Variants in PARG observed in about 807,000 individuals in gnomAD.
The protein encoded by PARG is mitochondrial poly(ADP-ribose) glycohydrolase.
In PARG, 35 loss-of-function variants were observed where a neutral mutation model predicts 113.0. The ratio of observed to expected loss-of-function variants is 0.31; its 90% CI spans 0.24 to 0.41. PARG has a LOEUF of 0.41. PARG is among the 10% of genes least tolerant of loss of function. The pLI, the probability that PARG is intolerant of heterozygous loss-of-function variation, is 1.00. For synonymous variants in PARG, 330 were observed against 409.9 expected (o/e 0.81, Z 2.36); for missense variants, 797 against 1,169.4 (o/e 0.68, Z 4.64).
chr10:49,861,871 A>G (rs1190244961), intron 11 of PARG, among the ~76,000 whole-genome samples: 1 of 151,136 alleles, frequency 6.6e-6, no homozygotes, highest in Non-Finnish European at 1.5e-5. Context: ...AAATTGGATA[A>G]CATAGTTTGA....
At chr10:49,822,067 A>G (rs1844118650) in intron 16 of PARG, among the ~76,000 whole-genome samples, 1 of 152,240 alleles carries the variant, frequency 6.6e-6, no homozygotes, top group African/African-American at 2.4e-5. Context: ...AGGAATGAGC[A>G]AATGAATAAA....
intron 10 of PARG, among the ~76,000 whole-genome samples, chr10:49,867,805 A>G (rs1185673184): frequency 6.6e-6 from 1 of 151,780 alleles, no homozygotes; most frequent in Non-Finnish European, 1.5e-5. Context: ...CCTAAAATTT[A>G]GAAAGCCAAG....
chr10:49,842,174 A>G, intron 14 of PARG, 116 bp from the exon 15 acceptor site: 1 of 691,690 alleles, frequency 1.4e-6, no homozygotes, highest in African/African-American at 1.8e-5. Context: ...AAAACAAACC[A>G]GTGTCTGCAG....
rs1365453819 is a variant in PARG at position 49,929,397 on chromosome 10, G to A, written c.1455+2703C>T. 4.2e-3 allele frequency among the ~76,000 whole-genome samples: 640 copies of A among 151,588 alleles called. 1 individual carries two copies. The highest frequency in any genetic ancestry group is 0.015 in the African/African-American group (621 of 41,300). On this transcript the variant is annotated intron_variant, in intron 4 of 17. Coordinates refer to ENST00000616448, the MANE Select transcript of PARG (RefSeq NM_003631.5). ...TCTATCAATTTTACCTCATAATAAT[G>A]CAACCTTCTATTTTCTTTTTTATCC...
At chr10:49,846,167 C>G (rs1460174178) in intron 13 of PARG, among the ~76,000 whole-genome samples, 12 of 151,092 alleles carry the variant, frequency 7.9e-5, no homozygotes, top group Non-Finnish European at 1.8e-4. Context: ...GATAGAACCA[C>G]TGACACATTA....
intron 14 of PARG, 61 bp downstream of exon 14, chr10:49,843,493 G>T: frequency 9.9e-7 from 1 of 1,009,368 alleles, no homozygotes; most frequent in Non-Finnish European, 1.5e-6. Flanking sequence ...GAGTGTGTGA[G>T]GGTCAAGCCC....
chr10:49,834,075 A>G (rs1268038070), intron 15 of PARG, among the ~76,000 whole-genome samples: 1 of 152,200 alleles, frequency 6.6e-6, no homozygotes, highest in Admixed American at 6.5e-5. Context: ...GTACCAGATC[A>G]TTATTCAACA....
chr10:49,829,935 T>A (rs1844574049), intron 16 of PARG, among the ~76,000 whole-genome samples: 1 of 152,140 alleles, frequency 6.6e-6, no homozygotes, highest in Non-Finnish European at 1.5e-5. Flanking sequence ...TTTTTTAGCA[T>A]CATAGTTTAG....
At chr10:49,854,610 CA>C (rs555755572) in intron 13 of PARG, among the ~76,000 whole-genome samples, 18 of 148,910 alleles carry the variant, frequency 1.2e-4, no homozygotes, top group African/African-American at 4.5e-4. Context: ...CTGACCTTGA[CA>C]GGAAGTGAAG....
chr10:49,891,706 T>G (rs1554841627), intron 7 of PARG, among the ~76,000 whole-genome samples: 1 of 143,296 alleles, frequency 7.0e-6, no homozygotes, highest in Non-Finnish European at 1.5e-5. Context: ...CTCAGCTCAC[T>G]GCAACCTCCA....
At chr10:49,913,463 G>A (rs1350654655) in intron 7 of PARG, among the ~76,000 whole-genome samples, 3 of 152,132 alleles carry the variant, frequency 2.0e-5, no homozygotes, top group African/African-American at 7.2e-5. Context: ...TTATAATACA[G>A]CATAAATTTT....
At chr10:49,839,730 A>G (rs1177110952) in intron 15 of PARG, among the ~76,000 whole-genome samples, 1 of 152,250 alleles carries the variant, frequency 6.6e-6, no homozygotes, top group Admixed American at 6.5e-5. Flanking sequence ...ATAACTTCTA[A>G]AAGTGAATGA....
At chr10:49,939,497 G>A (rs1424012208) in intron 1 of PARG, among the ~76,000 whole-genome samples, 1 of 152,186 alleles carries the variant, frequency 6.6e-6, no homozygotes, top group African/African-American at 2.4e-5. Flanking sequence ...CTGTGTACTG[G>A]ATAAAATTTA....
At chr10:49,941,413 G>A (rs1839058085) in intron 1 of PARG, 96 bp downstream of exon 1, 13 of 972,246 alleles carry the variant, frequency 1.3e-5, no homozygotes, top group Middle Eastern at 5.4e-4. Context: ...ATGCACACAA[G>A]ACCAGAAAGG....
intron 17 of PARG, 85 bp from the exon 18 acceptor site, chr10:49,819,579 T>C: frequency 2.0e-6 from 2 of 1,005,984 alleles, no homozygotes; most frequent in Non-Finnish European, 3.0e-6. Flanking sequence ...TTTATCTTAA[T>C]CTAAATGGCA....
At chr10:49,890,640 A>G (rs1211278518) in intron 7 of PARG, among the ~76,000 whole-genome samples, 9 of 150,944 alleles carry the variant, frequency 6.0e-5, no homozygotes, top group East Asian at 1.9e-4. Flanking sequence ...GACTGTGGAC[A>G]GGCTATTTTT....
chr10:49,919,042 G>C (rs1186349332), intron 6 of PARG, among the ~76,000 whole-genome samples: 1 of 152,066 alleles, frequency 6.6e-6, no homozygotes, highest in Non-Finnish European at 1.5e-5. Context: ...CTGGGTTCAA[G>C]CAATTCTCCT....
At chr10:49,897,139 A>T (rs1187265228) in intron 7 of PARG, among the ~76,000 whole-genome samples, 1 of 152,114 alleles carries the variant, frequency 6.6e-6, no homozygotes, top group Non-Finnish European at 1.5e-5. Context: ...AACTATTTGC[A>T]CCTCCTGACT....
At chr10:49,866,106 T>C (rs1322027181) in intron 10 of PARG, among the ~76,000 whole-genome samples, 1 of 151,312 alleles carries the variant, frequency 6.6e-6, no homozygotes, top group East Asian at 1.9e-4. Flanking sequence ...TTTTAGAGGA[T>C]GAGATCCTTT....
Sources: gnomAD v4.1 joint callset for allele counts (sites outside exome capture counted in the v4.1 genomes callset) on GRCh38, gnomAD v4.1.1 for gene constraint, MANE v1.5 for transcripts, NCBI Gene and HGNC (gene_info 2026-07-23, HGNC 2026-07-21) for gene names.